TRPC4AP: variants seen among roughly 807,000 people sequenced by gnomAD.
TRPC4AP encodes transient receptor potential cation channel subfamily C member 4 associated protein.
In TRPC4AP, 45 loss-of-function variants were observed where a neutral mutation model predicts 99.0. The observed-to-expected ratio is 0.45, with a 90% CI of 0.36 to 0.58. TRPC4AP has a LOEUF of 0.58. Ranked by LOEUF, TRPC4AP falls within the 20% of genes least tolerant of loss-of-function variation. TRPC4AP has a pLI of 0.00. For missense variants in TRPC4AP, 879 were observed against 985.3 expected (o/e 0.89, Z 1.44); for synonymous variants, 408 against 385.8 (o/e 1.06, Z -0.67).
At chr20:35,012,963 A>C (rs1174607762) in intron 11 of TRPC4AP, 45 bp downstream of exon 11, 2 of 1,606,860 alleles carry the variant, frequency 1.2e-6, no homozygotes, top group African/African-American at 2.7e-5. Flanking sequence ...AGGCCTTCCG[A>C]AGACAGCCCA....
chr20:35,011,597 T>C (rs1381080536), intron 11 of TRPC4AP, among the ~76,000 whole-genome samples: 1 of 152,016 alleles, frequency 6.6e-6, no homozygotes, highest in Non-Finnish European at 1.5e-5. Context: ...AAGTGGACCA[T>C]CTGTATATAA....
intron 3 of TRPC4AP, among the ~76,000 whole-genome samples, chr20:35,059,821 G>A (rs995900963): frequency 2.0e-5 from 3 of 150,176 alleles, no homozygotes; most frequent in Non-Finnish European, 4.5e-5. Flanking sequence ...AGATGAAGAC[G>A]AAGAAGATGA....
chr20:35,072,264 A>G (rs369277678), intron 2 of TRPC4AP, among the ~76,000 whole-genome samples: 1 of 152,128 alleles, frequency 6.6e-6, no homozygotes, highest in African/African-American at 2.4e-5. Flanking sequence ...TTCTTTTGCT[A>G]TGCAGAAGCT....
At chr20:35,078,301 T>TA in intron 1 of TRPC4AP, 127 bp from the exon 2 acceptor site, 1 of 921,832 alleles carries the variant, frequency 1.1e-6, no homozygotes, top group Non-Finnish European at 1.6e-6. Context: ...AGCACTACTA[T>TA]AAAAAGCCTC....
At chr20:35,068,017 A>G (rs937961584) in intron 3 of TRPC4AP, among the ~76,000 whole-genome samples, 3 of 152,236 alleles carry the variant, frequency 2.0e-5, no homozygotes, top group Non-Finnish European at 4.4e-5. Flanking sequence ...TATATGAACC[A>G]TATCTTAATA....
At chr20:35,062,447 A>G (rs941231391) in intron 3 of TRPC4AP, among the ~76,000 whole-genome samples, 2 of 152,252 alleles carry the variant, frequency 1.3e-5, no homozygotes, top group Non-Finnish European at 2.9e-5. Flanking sequence ...TCAACTGATG[A>G]ATGGATAAAT....
chr20:35,077,394 G>A (rs982673667), intron 2 of TRPC4AP, among the ~76,000 whole-genome samples: 5 of 152,274 alleles, frequency 3.3e-5, no homozygotes, highest in East Asian at 3.9e-4. Flanking sequence ...TCCTGGAACC[G>A]GACCCCCACT....
intron 9 of TRPC4AP, among the ~76,000 whole-genome samples, chr20:35,020,298 A>C (rs538115478): frequency 6.6e-6 from 1 of 152,292 alleles, no homozygotes; most frequent in East Asian, 1.9e-4. Flanking sequence ...CTTCACTCAG[A>C]GTAAAAACCA....
intron 6 of TRPC4AP, among the ~76,000 whole-genome samples, chr20:35,048,999 C>T (rs1305153131): frequency 6.6e-6 from 1 of 152,186 alleles, no homozygotes; most frequent in East Asian, 1.9e-4. Context: ...GGGTTCACCA[C>T]AGTGCACATG....
At chr20:35,025,698 C>G (rs535612368) in intron 8 of TRPC4AP, among the ~76,000 whole-genome samples, 7 of 152,056 alleles carry the variant, frequency 4.6e-5, no homozygotes, top group African/African-American at 1.7e-4. Flanking sequence ...CCTGCCTTAC[C>G]CACAAAAAAC....
chr20:35,064,050 A>C (rs561369770), intron 3 of TRPC4AP, among the ~76,000 whole-genome samples: 2 of 152,362 alleles, frequency 1.3e-5, no homozygotes, highest in East Asian at 3.9e-4. Context: ...TTCCTTTTAA[A>C]ATGAGAAAAA....
intron 2 of TRPC4AP, among the ~76,000 whole-genome samples, chr20:35,070,367 A>T (rs2084275157): frequency 6.6e-6 from 1 of 151,412 alleles, no homozygotes; most frequent in African/African-American, 2.4e-5. Flanking sequence ...TCTACAACTC[A>T]TTTGTAACAT....
intron 6 of TRPC4AP, among the ~76,000 whole-genome samples, chr20:35,046,855 G>A (rs1255301516): frequency 6.6e-6 from 1 of 151,856 alleles, no homozygotes; most frequent in Non-Finnish European, 1.5e-5. Context: ...ATGGTTTTTT[G>A]TTTTGTCTTA....
Position 35,063,099 on chromosome 20 carries a change from C to T in TRPC4AP, c.415-5528G>A, listed in dbSNP as rs575479891. Among the ~76,000 whole-genome samples the T allele has an allele frequency of 7.2e-4, 110 of 152,350 alleles. 1 individual carries two copies. The highest frequency in any genetic ancestry group is 2.4e-3 in the African/African-American group (101 of 41,588). On this transcript the variant is annotated intron_variant, in intron 3 of 18. Transcript: ENST00000252015. ...GGAGGCAGGTCCCCCATGCTGTTCT[C>T]GTGATAACGAGGGAGTCTCATGAGA...
chr20:35,068,676 C>A (rs899415132), intron 3 of TRPC4AP, among the ~76,000 whole-genome samples: 18 of 151,978 alleles, frequency 1.2e-4, no homozygotes, highest in African/African-American at 2.4e-4. Flanking sequence ...TGCCTGCCAC[C>A]GTGCCCATCT....
chr20:35,041,849 C>A (rs1037275467), intron 7 of TRPC4AP, among the ~76,000 whole-genome samples: 5 of 152,322 alleles, frequency 3.3e-5, no homozygotes, highest in African/African-American at 1.2e-4. Context: ...GGATACTAAT[C>A]TCTATTCCAC....
At chr20:35,050,419 T>G (rs770162391) in intron 5 of TRPC4AP, among the ~76,000 whole-genome samples, 2 of 152,150 alleles carry the variant, frequency 1.3e-5, no homozygotes, top group African/African-American at 2.4e-5. Context: ...AATGATCATC[T>G]TAAAAGTCTT....
At chr20:35,041,383 G>C (rs1569112483) in intron 7 of TRPC4AP, among the ~76,000 whole-genome samples, 3 of 152,146 alleles carry the variant, frequency 2.0e-5, no homozygotes, top group African/African-American at 7.2e-5. Flanking sequence ...ATTATGGTCA[G>C]GGTTGGGAAG....
At chr20:35,026,172 T>C (rs973806331) in intron 8 of TRPC4AP, among the ~76,000 whole-genome samples, 8 of 152,080 alleles carry the variant, frequency 5.3e-5, no homozygotes, top group Admixed American at 3.9e-4. Flanking sequence ...AGTGTCTCGA[T>C]TGCAGCTTTG....
Sources: allele counts gnomAD v4.1 joint callset (sites outside exome capture counted in the v4.1 genomes callset), GRCh38; gene constraint gnomAD v4.1.1; transcripts MANE v1.5; gene names NCBI Gene and HGNC (gene_info 2026-07-23, HGNC 2026-07-21).